NLGN1: variants seen among roughly 807,000 people sequenced by gnomAD.
NLGN1 encodes neuroligin-1.
In NLGN1, 12 loss-of-function variants were observed where a neutral mutation model predicts 65.5. The ratio of observed to expected loss-of-function variants is 0.18; its 90% CI spans 0.12 to 0.30. The LOEUF is 0.30. Among genes scored for constraint, NLGN1 ranks in the 10% least tolerant of loss-of-function variants. NLGN1 has a pLI of 1.00. For synonymous variants in NLGN1, 350 were observed against 359.5 expected (o/e 0.97, Z 0.30); for missense variants, 750 against 1,007.1 (o/e 0.74, Z 3.46).
At chr3:173,677,554 C>CAGATGAGCAGAAATATTGTTGTGCAAAG (rs1369329920) in intron 3 of NLGN1, among the ~76,000 whole-genome samples, 2 of 152,026 alleles carry the variant, frequency 1.3e-5, no homozygotes, top group Non-Finnish European at 2.9e-5. Flanking sequence ...AGTTTCTTCA[C>CAGATGAGCAGAAATATTGTTGTGCAAAG]AGATGAGCAG....
chr3:173,845,807 C>G (rs1286324593), intron 4 of NLGN1, among the ~76,000 whole-genome samples: 1 of 152,072 alleles, frequency 6.6e-6, no homozygotes, highest in African/African-American at 2.4e-5. Context: ...TTTATCTTGA[C>G]TCTTAGATTT....
intron 4 of NLGN1, among the ~76,000 whole-genome samples, chr3:173,949,353 A>C (rs1747767365): frequency 6.6e-6 from 1 of 152,170 alleles, no homozygotes; most frequent in African/African-American, 2.4e-5. Context: ...AAAACTTCTT[A>C]ATCTACAGAG....
chr3:174,129,175 C>T (rs375482970), intron 4 of NLGN1, among the ~76,000 whole-genome samples: 2 of 151,990 alleles, frequency 1.3e-5, no homozygotes, highest in East Asian at 1.9e-4. Flanking sequence ...AAATATCAGT[C>T]GGCTAGGGAA....
chr3:174,079,178 A>G (rs1243904089), intron 4 of NLGN1, among the ~76,000 whole-genome samples: 1 of 152,098 alleles, frequency 6.6e-6, no homozygotes, highest in African/African-American at 2.4e-5. Context: ...CAAGACACTG[A>G]AAAAAATTTA....
chr3:173,916,381 C>T (rs1465315376), intron 4 of NLGN1, among the ~76,000 whole-genome samples: 1 of 152,118 alleles, frequency 6.6e-6, no homozygotes, highest in Non-Finnish European at 1.5e-5. Context: ...ATTTATTGAT[C>T]ACCCTAAGTG....
At chr3:173,444,907 A>G (rs557614836) in intron 2 of NLGN1, among the ~76,000 whole-genome samples, 1 of 151,652 alleles carries the variant, frequency 6.6e-6, no homozygotes, top group African/African-American at 2.4e-5. Flanking sequence ...TACAGAAAAT[A>G]TTTTCTTTGG....
intron 2 of NLGN1, among the ~76,000 whole-genome samples, chr3:173,548,829 A>G (rs1181453471): frequency 6.6e-6 from 1 of 151,986 alleles, no homozygotes; most frequent in Non-Finnish European, 1.5e-5. Context: ...ATTCTATTAA[A>G]TGATTCTTAC....
intron 4 of NLGN1, among the ~76,000 whole-genome samples, chr3:173,876,411 T>C (rs1175161318): frequency 6.6e-6 from 1 of 152,202 alleles, no homozygotes; most frequent in Non-Finnish European, 1.5e-5. Context: ...AGGGTTTGTT[T>C]GTTTGCATTC....
intron 3 of NLGN1, among the ~76,000 whole-genome samples, chr3:173,630,345 T>C (rs1030321528): frequency 6.6e-6 from 1 of 152,128 alleles, no homozygotes; most frequent in Non-Finnish European, 1.5e-5. Context: ...CACATACTTA[T>C]CTGATTTTCT....
chr3:174,175,787 A>G (rs1223816892), intron 4 of NLGN1, among the ~76,000 whole-genome samples: 2 of 151,970 alleles, frequency 1.3e-5, no homozygotes, highest in Admixed American at 6.6e-5. Context: ...CCCCACGGTA[A>G]CATGATCCTG....
chr3:173,846,726 A>T (rs1372257532), intron 4 of NLGN1, among the ~76,000 whole-genome samples: 1 of 152,152 alleles, frequency 6.6e-6, no homozygotes, highest in East Asian at 1.9e-4. Flanking sequence ...AGATTAAATC[A>T]TTTGCTCAAG....
chr3:173,814,578 A>AT (rs1275007045), intron 4 of NLGN1, among the ~76,000 whole-genome samples: 2 of 152,320 alleles, frequency 1.3e-5, no homozygotes, highest in East Asian at 1.9e-4. Context: ...AACAGAAACA[A>AT]TCTGAAAGTA....
chr3:173,499,092 C>T (rs1314751341), intron 2 of NLGN1, among the ~76,000 whole-genome samples: 2 of 151,066 alleles, frequency 1.3e-5, no homozygotes, highest in African/African-American at 2.4e-5. Flanking sequence ...TCTTTTGTTG[C>T]CATTGCTTTT....
chr3:174,246,991 C>G (rs993098690), intron 4 of NLGN1, among the ~76,000 whole-genome samples: 2 of 152,132 alleles, frequency 1.3e-5, no homozygotes, highest in Non-Finnish European at 2.9e-5. Flanking sequence ...TGTAGACATA[C>G]AGAGCAAAAC....
intron 4 of NLGN1, among the ~76,000 whole-genome samples, chr3:174,166,756 G>A (rs9828992): frequency 0.18 from 27,699 of 151,906 alleles, 3,059 homozygotes; most frequent in East Asian, 0.59. Flanking sequence ...TGCCTCAATA[G>A]TCTTTCTAAT....
chr3:173,397,664 T>G (rs1456269049), upstream of NLGN1: 1 of 152,444 alleles, frequency 6.6e-6, no homozygotes, highest in Non-Finnish European at 1.5e-5. Flanking sequence ...GCCCCAGCTC[T>G]CCTCGCCGCT....
chr3:173,898,709 T>C (rs1224100459), intron 4 of NLGN1, among the ~76,000 whole-genome samples: 1 of 152,192 alleles, frequency 6.6e-6, no homozygotes, highest in African/African-American at 2.4e-5. Context: ...CACTATTAAC[T>C]GTGAATCCAT....
At chr3:174,122,657 A>G (rs1187311362) in intron 4 of NLGN1, among the ~76,000 whole-genome samples, 1 of 152,152 alleles carries the variant, frequency 6.6e-6, no homozygotes, top group African/African-American at 2.4e-5. Context: ...AGATTTAACA[A>G]TGACGTTGTT....
intron 4 of NLGN1, among the ~76,000 whole-genome samples, chr3:173,830,942 A>G (rs1247508069): frequency 6.6e-6 from 1 of 152,222 alleles, no homozygotes; most frequent in Non-Finnish European, 1.5e-5. Flanking sequence ...AACACAGAGT[A>G]ACATCAATGA....
Sources: gnomAD v4.1 joint callset for allele counts (sites outside exome capture counted in the v4.1 genomes callset) on GRCh38, gnomAD v4.1.1 for gene constraint, MANE v1.5 for transcripts, NCBI Gene and HGNC (gene_info 2026-07-23, HGNC 2026-07-21) for gene names.